The following BLTP1 variants were observed in gnomAD, a reference collection of about 807,000 sequenced individuals.
The protein encoded by BLTP1 is fragile site-associated protein.
chr4:122,205,759 TTC>T, the BLTP1 span, among the ~76,000 whole-genome samples: 1 of 136,578 alleles, frequency 7.3e-6, no homozygotes, highest in African/African-American at 2.7e-5. Flanking sequence ...TTCCAGTTGT[TTC>T]TCTCTCTCTC....
At chr4:122,174,812 A>G in the BLTP1 span, among the ~76,000 whole-genome samples, 176 of 152,270 alleles carry the variant, frequency 1.2e-3, 1 homozygote, top group African/African-American at 4.2e-3. Context: ...TTGATGTTTT[A>G]AAATATTTTG....
At chr4:122,247,724 G>A in the BLTP1 span, 1 of 1,018,742 alleles carries the variant, frequency 9.8e-7, no homozygotes, top group African/African-American at 1.7e-5. Context: ...GTAAAACAGT[G>A]TTAGAAAGAA....
the BLTP1 span, chr4:122,281,786 T>A: frequency 4.6e-6 from 7 of 1,505,472 alleles, no homozygotes; most frequent in East Asian, 2.4e-5. Flanking sequence ...TAATATTGAA[T>A]TCTGAATTCA....
the BLTP1 span, chr4:122,172,984 A>T: frequency 6.2e-7 from 1 of 1,606,002 alleles, no homozygotes. Context: ...AAGAGGACAC[A>T]TTACTGTGTA....
chr4:122,193,474 A>G, the BLTP1 span: 3 of 194,806 alleles, frequency 1.5e-5, no homozygotes, highest in African/African-American at 2.4e-5. Context: ...GTTATAGTCT[A>G]TAGTGGTTAA....
At chr4:122,308,013 A>G in the BLTP1 span, 5 of 1,613,504 alleles carry the variant, frequency 3.1e-6, no homozygotes, top group Non-Finnish European at 4.2e-6. Flanking sequence ...GAATGGCTTT[A>G]CATAAGGATA....
the BLTP1 span, chr4:122,197,627 C>T: frequency 5.1e-6 from 1 of 194,698 alleles, no homozygotes; most frequent in Non-Finnish European, 9.3e-6. Context: ...GAACCCTGTA[C>T]CAGACGTTTG....
chr4:122,311,952 C>T, the BLTP1 span, among the ~76,000 whole-genome samples: 6 of 152,142 alleles, frequency 3.9e-5, no homozygotes, highest in Non-Finnish European at 8.8e-5. Context: ...GGATTCAGAT[C>T]TACATCTAAA....
chr4:122,152,879 T>C, the BLTP1 span: 1 of 532,356 alleles, frequency 1.9e-6, no homozygotes, highest in Non-Finnish European at 2.4e-6. Context: ...GTGTGTGGAC[T>C]CGGCAGGAAG....
At chr4:122,190,127 G>GACTCT in the BLTP1 span, 38 of 1,596,842 alleles carry the variant, frequency 2.4e-5, no homozygotes, top group Non-Finnish European at 3.2e-5. Flanking sequence ...GACAGAGTGA[G>GACTCT]ACTCTGTCAC....
chr4:122,244,866 T>C, the BLTP1 span: 6 of 608,864 alleles, frequency 9.9e-6, no homozygotes, highest in Non-Finnish European at 1.0e-5. Flanking sequence ...TTCCCTTGTA[T>C]AATTTCTAAA....
chr4:122,241,027 CAATT>C, the BLTP1 span, among the ~76,000 whole-genome samples: 1 of 151,970 alleles, frequency 6.6e-6, no homozygotes, highest in Non-Finnish European at 1.5e-5. Context: ...TGGAAAATGA[CAATT>C]AATAGATCAG....
the BLTP1 span, chr4:122,174,996 A>G: frequency 1.1e-6 from 1 of 919,488 alleles, no homozygotes; most frequent in South Asian, 5.0e-5. Context: ...GTCATCCATT[A>G]GCTCCTTATT....
the BLTP1 span, among the ~76,000 whole-genome samples, chr4:122,196,015 T>C: frequency 1.3e-5 from 2 of 152,246 alleles, no homozygotes; most frequent in Non-Finnish European, 2.9e-5. Context: ...GGCTCTTTCA[T>C]TTTTGTCAAA....
the BLTP1 span, chr4:122,298,194 AATAG>A: frequency 7.1e-6 from 6 of 848,734 alleles, no homozygotes; most frequent in African/African-American, 1.8e-5. Context: ...TAATTGAATA[AATAG>A]ATAAGACAGC....
the BLTP1 span, chr4:122,192,276 A>G: frequency 4.3e-6 from 7 of 1,613,350 alleles, no homozygotes; most frequent in Non-Finnish European, 5.9e-6. Flanking sequence ...AGAAATGAGC[A>G]GTGAGGATTG....
At chr4:122,356,546 T>TA in the BLTP1 span, 7 of 1,471,652 alleles carry the variant, frequency 4.8e-6, no homozygotes, top group Non-Finnish European at 6.5e-6. Flanking sequence ...GTGGATGCAT[T>TA]TACATAGACC....
the BLTP1 span, chr4:122,242,948 A>C: frequency 8.8e-7 from 1 of 1,132,584 alleles, no homozygotes; most frequent in African/African-American, 1.6e-5. Context: ...TGATATCATA[A>C]AATTAGGGAA....
chr4:122,204,913 G>A, the BLTP1 span: 1 of 582,256 alleles, frequency 1.7e-6, no homozygotes, highest in African/African-American at 2.0e-5. Context: ...TTTGATAAAT[G>A]GAATTTTCTG....
Sources: gnomAD v4.1 joint callset for allele counts (sites outside exome capture counted in the v4.1 genomes callset) on GRCh38, gnomAD v4.1.1 for gene constraint, MANE v1.5 for transcripts, NCBI Gene and HGNC (gene_info 2026-07-23, HGNC 2026-07-21) for gene names.